The following EFCAB8 variants were observed in gnomAD, a reference collection of about 807,000 sequenced individuals.
EFCAB8 encodes the protein EF-hand calcium binding domain 8, also known as EF-hand calcium-binding domain-containing protein 8.
In EFCAB8, 100 loss-of-function variants were observed where a neutral mutation model predicts 116.3. That is an observed-to-expected ratio of 0.86 (90% CI 0.73 to 1.02). EFCAB8 has a LOEUF of 1.02. Ranked by LOEUF, EFCAB8 falls within the 50% of genes least tolerant of loss-of-function variation. The pLI, the probability that EFCAB8 is intolerant of heterozygous loss-of-function variation, is 0.00. For synonymous variants in EFCAB8, 558 were observed against 567.9 expected, an observed-to-expected ratio of 0.98 and a Z score of 0.25; for missense variants, 1,320 against 1,416.9, an observed-to-expected ratio of 0.93 and a Z score of 1.10.
Position 32,898,529 on chromosome 20 carries a change from A to T in EFCAB8, c.994A>T (p.Ile332Phe). 1 of 718,610 alleles carries T rather than the reference A, an allele frequency of 1.4e-6. No homozygotes were observed. The allele number at this position is 718,610 out of a possible 1,614,324, so 44.5% of individuals were successfully genotyped here. A position where few individuals can be genotyped will look rare whatever the true frequency, so the allele number is the denominator to read the frequency against. ...HPNWCEQVKFIPQMNVVVSCS... is the reference protein window; with the variant it reads ...HPNWCEQVKFFPQMNVVVSCS... ...CAACTGGTGTGAGCAGGTCAAGTTC[A>T]TCCCCCAGATGAATGTGGTAGTCTC... The change falls in exon 11 of 27, where the codon ATC becomes TTC. Residue 332 changes from isoleucine to phenylalanine, a missense_variant. Ile to Phe is a conservative substitution (Grantham distance 21). Coordinates refer to ENST00000400522, the MANE Select transcript of EFCAB8 (RefSeq NM_001143967.2).
intron 15 of EFCAB8, among the ~76,000 whole-genome samples, chr20:32,910,987 C>T (rs1485361398): frequency 2.0e-5 from 3 of 152,164 alleles, no homozygotes; most frequent in Non-Finnish European, 2.9e-5. Context: ...ATCCACCCTC[C>T]TCAGCCTCCC....
chr20:32,961,094 C>A, intron 26 of EFCAB8, 42 bp from the exon 27 acceptor site: 1 of 1,522,882 alleles, frequency 6.6e-7, no homozygotes, highest in Non-Finnish European at 8.9e-7. Context: ...TCCCCGGCTC[C>A]AACTGGTGCC....
chr20:32,959,916 G>C lies in EFCAB8; in HGVS notation c.3228G>C (p.Trp1076Cys). ...KLQKMALMSP[W>C]AGERPLEDIE... ...AGAAGATGGCCCTGATGTCCCCGTG[G>C]GCCGGAGAGCGCCCCCTGGAAGACA... Residue 1076 changes from tryptophan (W) to cysteine (C), a missense_variant, in exon 25 of 27, where the codon TGG (tryptophan) becomes TGC (cysteine). Physicochemically the swap from Trp to Cys is radical, Grantham distance 215. Coordinates refer to ENST00000400522, the MANE Select transcript of EFCAB8 (RefSeq NM_001143967.2). The C allele has an allele frequency of 6.4e-7, 1 of 1,551,686 alleles. No homozygotes were observed. The highest frequency in any genetic ancestry group is 8.7e-7 in the Non-Finnish European group (1 of 1,146,986).
intron 22 of EFCAB8, among the ~76,000 whole-genome samples, chr20:32,938,489 G>A (rs969402941): frequency 4.0e-5 from 6 of 149,790 alleles, no homozygotes; most frequent in African/African-American, 1.5e-4. Context: ...CTATATTGGG[G>A]AGGAAGAAGT....
rs532030436 is a variant in EFCAB8, at chr20:32,909,964, C to T, written c.1557+33C>T. On this transcript the variant is annotated intron_variant, in intron 15 of 26. Coordinates refer to ENST00000400522, the MANE Select transcript of EFCAB8 (RefSeq NM_001143967.2). ...GCCCAGGGCTCGCCTCTGAGGCTGG[C>T]GGGAACACCAGGTGACACGGGGCAG... is the stretch of plus-strand genomic sequence containing the variant. The T allele has an allele frequency of 8.6e-6, 10 of 1,164,142 alleles. No individual in the cohort carries two copies. The East Asian group carries it at 9.6e-5, about 11-fold the overall frequency. The allele number at this position is 1,164,142 out of a possible 1,614,324, so 72.1% of individuals were successfully genotyped here.
At chr20:32,871,527 C>G (rs1984684449) in intron 3 of EFCAB8, among the ~76,000 whole-genome samples, 1 of 152,032 alleles carries the variant, frequency 6.6e-6, no homozygotes, top group African/African-American at 2.4e-5. Flanking sequence ...ACAAGTTTAC[C>G]TCTTGCTTTT....
rs1168771097 is a variant in EFCAB8 at position 32,920,183 on chromosome 20, A to G, written c.2380A>G (p.Met794Val). ...ETRKGEWQKN[M>V]LVQSSASVEK... ...GAGAAAAGGAGAATGGCAGAAGAAT[A>G]TGTTGGTTCAATCCAGTGCCTCGGT... is the stretch of plus-strand genomic sequence containing the variant. The change falls in exon 20 of 27, where the codon ATG (methionine) becomes GTG (valine). Residue 794 changes from methionine to valine, a missense_variant. By Grantham distance (21) the Met-to-Val change is conservative (BLOSUM62 1). Transcript: ENST00000400522. The G allele has an allele frequency of 6.4e-7, 1 of 1,551,678 alleles. No individual in the cohort carries two copies. Among genetic ancestry groups the G allele is most frequent in the Admixed American group, 2.0e-5 (1 of 50,996 alleles).
intron 22 of EFCAB8, among the ~76,000 whole-genome samples, chr20:32,941,918 T>A (rs1189039464): frequency 6.6e-6 from 1 of 152,244 alleles, no homozygotes; most frequent in African/African-American, 2.4e-5. Context: ...ATATTCTTTT[T>A]CACAAATGTT....
At chr20:32,859,518 C>A (rs1212561137) in intron 1 of EFCAB8, among the ~76,000 whole-genome samples, 1 of 152,192 alleles carries the variant, frequency 6.6e-6, no homozygotes, top group South Asian at 2.1e-4. Flanking sequence ...CGTTTTACCT[C>A]TGTTCATGAA....
chr20:32,890,126 G>T (rs917837819), intron 7 of EFCAB8, among the ~76,000 whole-genome samples: 1 of 152,200 alleles, frequency 6.6e-6, no homozygotes, highest in East Asian at 1.9e-4. Flanking sequence ...TAGGATGGAG[G>T]TGGGATCCTC....
rs372280286 is a variant in EFCAB8, at chr20:32,930,604, A to C, written c.2619A>C (p.Lys873Asn). 6.4e-7 allele frequency: 1 copy of C among 1,552,166 alleles called. No individual in the cohort carries two copies. Among genetic ancestry groups the C allele is most frequent in the Non-Finnish European group, 8.7e-7 (1 of 1,147,118 alleles). The change falls in exon 21 of 27, where the codon AAA becomes AAC. Residue 873 changes from lysine to asparagine, a missense_variant. By Grantham distance (94) the Lys-to-Asn change is moderately conservative (BLOSUM62 0). Transcript: ENST00000400522. ...GGATCCTCATCACGGGGGATTGTAA[A>C]GGATACATCAAGGTGAGGAAGAACT... is the stretch of plus-strand genomic sequence containing the variant. ...NDWILITGDC[K>N]GYIKIWDIKD...
At position 32,902,138 on chromosome 20, in the gene EFCAB8, C is replaced by T. The variant is rs1011627273; in HGVS notation, c.1088+3515C>T. ...CTAAGTACCTCAGAGTATCTTCTTA[C>T]AATATTTGGAACTAGATATAAGCAC... On this transcript the variant is annotated intron_variant, in intron 11 of 26. Coordinates refer to ENST00000400522, the MANE Select transcript of EFCAB8 (RefSeq NM_001143967.2). Among the ~76,000 whole-genome samples the T allele has an allele frequency of 5.9e-5, 9 of 152,066 alleles. No individual in the cohort carries two copies. In the South Asian group the frequency reaches 1.9e-3, roughly 31 times the overall value.
At chr20:32,868,999 C>T (rs1984560437) in intron 3 of EFCAB8, among the ~76,000 whole-genome samples, 1 of 151,648 alleles carries the variant, frequency 6.6e-6, no homozygotes, top group Admixed American at 6.6e-5. Context: ...AAAAAAAAGT[C>T]GTCAGCTGGG....
chr20:32,917,192 ATCC>A lies in EFCAB8; in HGVS notation c.1857-103_1857-101del, dbSNP rs1987227621. 1.2e-5 allele frequency: 10 copies of A among 824,402 alleles called. 1 individual carries two copies. The South Asian group carries it at 1.7e-4, about 14-fold the overall frequency. 51.1% of individuals were successfully genotyped at this position (824,402 alleles called of 1,614,324 possible). ...CAGCCCAGCTCCGACACCTGAGAGTATCCTCCTCTGAGTCGGCTCCCAGAATCC... is the reference window on the plus strand; with the variant it reads ...CAGCCCAGCTCCGACACCTGAGAGTATCCTCTGAGTCGGCTCCCAGAATCC... On this transcript the variant is annotated intron_variant, in intron 17 of 26. Transcript: ENST00000400522.
chr20:32,944,583 A>G (rs1260820325), intron 23 of EFCAB8, among the ~76,000 whole-genome samples: 1 of 152,194 alleles, frequency 6.6e-6, no homozygotes, highest in Non-Finnish European at 1.5e-5. Flanking sequence ...ATATGCTTTC[A>G]TGTTCCTGCC....
chr20:32,958,331 G>A, intron 23 of EFCAB8, 90 bp from the exon 24 acceptor site: 1 of 411,090 alleles, frequency 2.4e-6, no homozygotes, highest in Non-Finnish European at 4.5e-6. Flanking sequence ...GGGGCTGCTA[G>A]CTGACCCTTG....
At chr20:32,936,985 T>C (rs1988144286) in intron 22 of EFCAB8, among the ~76,000 whole-genome samples, 1 of 152,178 alleles carries the variant, frequency 6.6e-6, no homozygotes. Context: ...AACAATGTTT[T>C]AGTTTCCAGT....
intron 1 of EFCAB8, among the ~76,000 whole-genome samples, chr20:32,862,467 C>G (rs1248201089): frequency 1.3e-5 from 2 of 152,016 alleles, no homozygotes; most frequent in African/African-American, 4.8e-5. Context: ...GAAAGTGGTT[C>G]TGGCATTTCT....
chr20:32,928,812 C>A (rs530282863), intron 20 of EFCAB8, among the ~76,000 whole-genome samples: 71 of 151,702 alleles, frequency 4.7e-4, no homozygotes, highest in African/African-American at 1.6e-3. Flanking sequence ...AGCTTTCAGT[C>A]TTTTACTATT....
Sources: allele counts gnomAD v4.1 joint callset (sites outside exome capture counted in the v4.1 genomes callset), GRCh38; gene constraint gnomAD v4.1.1; transcripts MANE v1.5; gene names NCBI Gene and HGNC (gene_info 2026-07-23, HGNC 2026-07-21).